Variants in ITK observed in about 807,000 individuals in gnomAD.
ITK encodes the protein tyrosine-protein kinase ITK/TSK.
ITK carries 45 observed loss-of-function variants against 87.6 expected under a neutral mutation model. That is an observed-to-expected ratio of 0.51 (90% confidence interval 0.40 to 0.66). ITK has a LOEUF of 0.66. Ranked by LOEUF, ITK falls within the 30% of genes least tolerant of loss-of-function variation. ITK has a pLI of 0.00. For synonymous variants in ITK, 303 were observed against 273.6 expected (o/e 1.11, Z -1.06); for missense variants, 605 against 766.3 (o/e 0.79, Z 2.48).
chr5:157,224,550 T>C (rs56372525), intron 6 of ITK, among the ~76,000 whole-genome samples: 2,491 of 152,224 alleles, frequency 0.016, 29 homozygotes, highest in Non-Finnish European at 0.027. Flanking sequence ...GAGGCCAAGG[T>C]GGGCTGATCA....
At chr5:157,222,712 T>C (rs1754443998) in intron 5 of ITK, 151 bp from the exon 6 acceptor site, 2 of 719,164 alleles carry the variant, frequency 2.8e-6, no homozygotes, top group Admixed American at 4.2e-5. Context: ...CAAGCACTGA[T>C]GTCTTTGTGT....
chr5:157,252,685 C>T lies in ITK; in HGVS notation c.*7C>T. 2.5e-6 allele frequency: 4 copies of T among 1,604,404 alleles called. No homozygotes were observed. Among genetic ancestry groups the T allele is most frequent in the Non-Finnish European group, 3.4e-6 (4 of 1,171,074 alleles). On this transcript the variant is annotated 3_prime_UTR_variant, in exon 17 of 17. Coordinates refer to ENST00000422843, the MANE Select transcript of ITK (RefSeq NM_005546.4). ...TGCAGAATCAGGACTTTAGTAGAGA[C>T]TGAGTACCAGGCCACGGGCTGCAGA...
chr5:157,220,885 G>A (rs901609158), intron 5 of ITK, among the ~76,000 whole-genome samples: 1 of 152,022 alleles, frequency 6.6e-6, no homozygotes, highest in Non-Finnish European at 1.5e-5. Context: ...TTGAGACAGG[G>A]TGTCACTCTG....
intron 6 of ITK, among the ~76,000 whole-genome samples, chr5:157,228,022 G>A (rs1447493521): frequency 6.6e-6 from 1 of 151,644 alleles, no homozygotes; most frequent in Non-Finnish European, 1.5e-5. Flanking sequence ...TGTAGTTTTA[G>A]TAGAGACAGG....
At position 157,253,891 on chromosome 5, in the gene ITK, T is replaced by G. The variant is rs149765018; in HGVS notation, c.*1213T>G. 2 of 222,640 alleles carry G rather than the reference T, an allele frequency of 9.0e-6. No individual in the cohort carries two copies. Among genetic ancestry groups the G allele is most frequent in the East Asian group, 6.5e-5 (1 of 15,290 alleles). 13.8% of individuals were successfully genotyped at this position (222,640 alleles called of 1,614,324 possible). A position where few individuals can be genotyped will look rare whatever the true frequency, so the allele number is the denominator to read the frequency against. On this transcript the variant is annotated 3_prime_UTR_variant, in exon 17 of 17. Coordinates refer to ENST00000422843, the MANE Select transcript of ITK (RefSeq NM_005546.4). ...AGCACTTCTATATGCAAGGTGAATA[T>G]GTACTGAGCTAGGAGACTTCCCTGC...
chr5:157,211,459 C>A, intron 3 of ITK, 91 bp downstream of exon 3: 1 of 1,060,400 alleles, frequency 9.4e-7, no homozygotes, highest in Non-Finnish European at 1.5e-6. Flanking sequence ...GGTGTGAGAG[C>A]AGCTGATGGC....
At chr5:157,234,191 G>A (rs1297078643) in intron 8 of ITK, among the ~76,000 whole-genome samples, 2 of 151,260 alleles carry the variant, frequency 1.3e-5, no homozygotes. Context: ...CTGTTGGCCA[G>A]ACTGGTCTCA....
intron 6 of ITK, among the ~76,000 whole-genome samples, chr5:157,226,836 G>A (rs1047678476): frequency 6.6e-6 from 1 of 151,948 alleles, no homozygotes; most frequent in African/African-American, 2.4e-5. Context: ...GTCTTGCTCT[G>A]TCACCCAGGC....
intron 8 of ITK, among the ~76,000 whole-genome samples, chr5:157,235,794 A>C (rs1754764551): frequency 6.6e-6 from 1 of 152,250 alleles, no homozygotes; most frequent in South Asian, 2.1e-4. Context: ...GTGTGTTGAG[A>C]TTATCTTCTG....
chr5:157,205,372 G>A (rs923489624), intron 1 of ITK, among the ~76,000 whole-genome samples: 34 of 152,176 alleles, frequency 2.2e-4, no homozygotes, highest in African/African-American at 8.2e-4. Context: ...AGGTAGAATG[G>A]GGTTTGGGCC....
At chr5:157,249,091 G>A in intron 16 of ITK, 84 bp downstream of exon 16, 2 of 1,181,190 alleles carry the variant, frequency 1.7e-6, no homozygotes, top group South Asian at 2.5e-5. Context: ...AACCCTCTCA[G>A]AAGGATGAGG....
chr5:157,243,837 C>T, intron 12 of ITK, 43 bp downstream of exon 12: 1 of 1,581,882 alleles, frequency 6.3e-7, no homozygotes, highest in Non-Finnish European at 8.7e-7. Context: ...CTGGGGGGAA[C>T]ATCGGTTCAG....
chr5:157,212,836 G>A (rs1754217180), intron 3 of ITK, among the ~76,000 whole-genome samples: 1 of 150,918 alleles, frequency 6.6e-6, no homozygotes, highest in South Asian at 2.1e-4. Flanking sequence ...GCAAGACCCT[G>A]TTCTTACCCC....
intron 1 of ITK, among the ~76,000 whole-genome samples, chr5:157,201,622 G>T (rs754552768): frequency 2.0e-5 from 3 of 150,602 alleles, no homozygotes; most frequent in Admixed American, 6.6e-5. Context: ...CACTCTATTC[G>T]ACACTGTTCT....
At chr5:157,239,508 A>G (rs545424432) in intron 9 of ITK, among the ~76,000 whole-genome samples, 43 of 74,244 alleles carry the variant, frequency 5.8e-4, no homozygotes, top group African/African-American at 1.5e-3. Flanking sequence ...AGCGTTCACC[A>G]TAAAACACAT....
At chr5:157,205,889 C>T (rs1030443591) in intron 1 of ITK, among the ~76,000 whole-genome samples, 7 of 151,472 alleles carry the variant, frequency 4.6e-5, no homozygotes, top group East Asian at 1.9e-4. Context: ...GTTCTATTTA[C>T]GTGATGAATT....
At chr5:157,232,691 G>A (rs1297856848) in intron 8 of ITK, among the ~76,000 whole-genome samples, 1 of 152,210 alleles carries the variant, frequency 6.6e-6, no homozygotes, top group Non-Finnish European at 1.5e-5. Flanking sequence ...CAATGCAGTG[G>A]GTTGACATGT....
intron 7 of ITK, among the ~76,000 whole-genome samples, chr5:157,228,949 A>C (rs1754591829): frequency 6.6e-6 from 1 of 152,198 alleles, no homozygotes; most frequent in Non-Finnish European, 1.5e-5. Context: ...GGCGTGTCAG[A>C]TGAGCACAGA....
In ITK at chr5:157,240,196, G is replaced by A. The variant is rs1487416201; in HGVS notation, c.985+1G>A. Reference sequence around the variant, plus strand: ...AACTATCACCAACATAATGGAGGAGGTAAGCTCTAGAGCAGGGGTGGACCC... The same window carrying A: ...AACTATCACCAACATAATGGAGGAGATAAGCTCTAGAGCAGGGGTGGACCC... On this transcript the variant is annotated splice_donor_variant, in intron 10 of 16. Transcript: ENST00000422843. LOFTEE classifies it high-confidence loss of function. The A allele has an allele frequency of 6.2e-7, 1 of 1,614,086 alleles. No homozygotes were observed. The highest frequency in any genetic ancestry group is 8.5e-7 in the Non-Finnish European group (1 of 1,179,976).
Sources: allele counts gnomAD v4.1 joint callset (sites outside exome capture counted in the v4.1 genomes callset), GRCh38; gene constraint gnomAD v4.1.1; transcripts MANE v1.5; gene names NCBI Gene and HGNC (gene_info 2026-07-23, HGNC 2026-07-21).